FMN1: variants seen among roughly 807,000 people sequenced by gnomAD.
The protein encoded by FMN1 is formin 1.
A neutral mutation model predicts 132.4 loss-of-function variants in FMN1; 110 were observed. The observed-to-expected ratio is 0.83, with a 90% CI of 0.71 to 0.97. The LOEUF (loss-of-function observed/expected upper bound fraction) is 0.97, where lower values mean the gene tolerates loss of function less well. FMN1 is among the 50% of genes least tolerant of loss of function. The probability of loss-of-function intolerance (pLI) is 0.00; values close to 1 mark genes in which losing one functional copy is unlikely to be tolerated. For synonymous variants in FMN1, 722 were observed against 651.7 expected, an observed-to-expected ratio of 1.11 and a Z score of -1.64; for missense variants, 1,792 against 1,705.3, an observed-to-expected ratio of 1.05 and a Z score of -0.90.
At chr15:32,953,017 C>T (rs1372748935) in intron 9 of FMN1, among the ~76,000 whole-genome samples, 1 of 152,228 alleles carries the variant, frequency 6.6e-6, no homozygotes, top group Non-Finnish European at 1.5e-5. Flanking sequence ...TACTGGGGAA[C>T]TCCCAGGCTC....
chr15:33,049,976 C>T (rs1436041684), intron 6 of FMN1, among the ~76,000 whole-genome samples: 2 of 152,132 alleles, frequency 1.3e-5, no homozygotes, highest in South Asian at 2.1e-4. Context: ...GAAGTTTTTT[C>T]TTTTAACACA....
At chr15:32,941,695 C>T (rs1257268998) in intron 9 of FMN1, among the ~76,000 whole-genome samples, 1 of 152,114 alleles carries the variant, frequency 6.6e-6, no homozygotes, top group Admixed American at 6.5e-5. Flanking sequence ...AACTATTTTA[C>T]CTGATGTTTG....
At chr15:32,930,713 C>CT (rs914516281) in intron 9 of FMN1, among the ~76,000 whole-genome samples, 10 of 150,532 alleles carry the variant, frequency 6.6e-5, no homozygotes, top group South Asian at 4.2e-4. Context: ...GTTATTTTTG[C>CT]TTTTTTTGGG....
chr15:32,874,840 T>C (rs1264600706), intron 16 of FMN1, among the ~76,000 whole-genome samples: 2 of 103,656 alleles, frequency 1.9e-5, no homozygotes, highest in East Asian at 2.5e-4. Flanking sequence ...TCGTATTCTG[T>C]AGTTTTTTCT....
At position 32,998,625 on chromosome 15, in the gene FMN1, G is replaced by A. The variant is rs556725589; in HGVS notation, c.2223+9389C>T. Among the ~76,000 whole-genome samples the A allele has an allele frequency of 3.0e-4, 46 of 152,286 alleles. 1 individual carries two copies. In the South Asian group the frequency reaches 9.3e-3, roughly 31 times the overall value. ...TCTACCATGCTTTCTCCCATTTCAT[G>A]AAGAGTCAAAAGCAATGGCCAACAC... On this transcript the variant is annotated intron_variant, in intron 7 of 20. Transcript: ENST00000616417.
chr15:33,066,753 C>T, intron 5 of FMN1: 1 of 1,613,982 alleles, frequency 6.2e-7, no homozygotes, highest in Admixed American at 1.7e-5. Flanking sequence ...CTCTGGCTCT[C>T]TTGGTCAGCA....
At chr15:32,926,124 G>GT in intron 10 of FMN1, 50 bp downstream of exon 10, 1 of 1,011,688 alleles carries the variant, frequency 9.9e-7, no homozygotes, top group Non-Finnish European at 1.5e-6. Flanking sequence ...AGAATGAAAT[G>GT]TTTTTTAAAA....
intron 4 of FMN1, among the ~76,000 whole-genome samples, chr15:33,117,289 A>C (rs556297154): frequency 1.3e-5 from 2 of 152,340 alleles, no homozygotes; most frequent in African/African-American, 2.4e-5. Flanking sequence ...AAGTATTTGT[A>C]ATGTCCTGCC....
chr15:33,037,624 A>G (rs779304007), intron 6 of FMN1, among the ~76,000 whole-genome samples: 4 of 152,184 alleles, frequency 2.6e-5, no homozygotes, highest in Non-Finnish European at 4.4e-5. Context: ...CAGCATTGAC[A>G]CTTTTGTAGA....
rs552983323 is a variant in FMN1 at position 32,880,397 on chromosome 15, A to C, written c.3835+7775T>G. The stretch of plus-strand genomic sequence containing the variant: ...TCTTGTCCAAACGTTCAGATATATT[A>C]GATGTATTAATTGTGTATTCCTTAA... On this transcript the variant is annotated intron_variant, in intron 16 of 20. Coordinates refer to ENST00000616417, the MANE Select transcript of FMN1 (RefSeq NM_001277313.2). Among the ~76,000 whole-genome samples the C allele has an allele frequency of 1.1e-4, 17 of 152,262 alleles. No homozygotes were observed. In the East Asian group the frequency reaches 2.7e-3, roughly 24 times the overall value.
At chr15:32,888,696 A>C (rs1225234110) in intron 15 of FMN1, among the ~76,000 whole-genome samples, 1 of 152,166 alleles carries the variant, frequency 6.6e-6, no homozygotes, top group African/African-American at 2.4e-5. Context: ...GGGGCATACC[A>C]ATGGGTGTGA....
chr15:32,858,850 G>A (rs1447049080), intron 16 of FMN1, among the ~76,000 whole-genome samples: 1 of 152,056 alleles, frequency 6.6e-6, no homozygotes, highest in Non-Finnish European at 1.5e-5. Flanking sequence ...CTGCTATTAT[G>A]AGATTACCCT....
chr15:32,887,613 A>G (rs760581292), intron 16 of FMN1, among the ~76,000 whole-genome samples: 4 of 152,238 alleles, frequency 2.6e-5, no homozygotes, highest in African/African-American at 7.2e-5. Flanking sequence ...ACATGTGTGT[A>G]TGTGTACGAT....
intron 1 of FMN1, 53 bp from the exon 2 acceptor site, chr15:33,194,113 CAT>C (rs1966179135): frequency 6.9e-6 from 1 of 145,940 alleles, no homozygotes. Context: ...CATTGCCAAC[CAT>C]AGTCATGAAG....
At position 32,798,858 on chromosome 15, in the gene FMN1, C is replaced by A. The variant is rs761808443; in HGVS notation, c.4076G>T (p.Cys1359Phe). 6.2e-7 allele frequency: 1 copy of A among 1,613,746 alleles called. No individual in the cohort carries two copies. ...SYVFMVWYEF[C>F]SDFKTIWKRE... Reference sequence around the variant, plus strand: ...TTTCCAAATTGTCTTGAAGTCACTGCAGAACTCATACCACACCATAAACAC... The same window carrying A: ...TTTCCAAATTGTCTTGAAGTCACTGAAGAACTCATACCACACCATAAACAC... Residue 1359 changes from cysteine to phenylalanine, a missense_variant, in exon 19 of 21, where the codon TGC (cysteine) becomes TTC (phenylalanine). By Grantham distance (205) the Cys-to-Phe change is radical. This residue lies in a region of FMN1 where 1,150 missense variants were observed against 1,043.1 expected (regional missense o/e 1.10). Transcript: ENST00000616417.
rs1302441043 is a variant in FMN1, at chr15:32,969,318, AG to A, written c.2382del (p.Cys795AlafsTer34). 1 of 1,613,982 alleles carries A rather than the reference AG, an allele frequency of 6.2e-7. No individual in the cohort carries two copies. Among genetic ancestry groups the A allele is most frequent in the Non-Finnish European group, 8.5e-7 (1 of 1,179,890 alleles). On this transcript the variant is annotated frameshift_variant, in exon 8 of 21. Coordinates refer to ENST00000616417, the MANE Select transcript of FMN1 (RefSeq NM_001277313.2). LOFTEE classifies it high-confidence loss of function. ...ACATTTCTGAAGGTCTTTGGAGGGC[AG>A]TCATCATCGGTGGAAATGCACACAT... ...RKDVCISTDD[D>X]CPPKTFRNVC...
chr15:33,000,345 A>G (rs1422390307), intron 7 of FMN1, among the ~76,000 whole-genome samples: 1 of 149,622 alleles, frequency 6.7e-6, no homozygotes, highest in East Asian at 2.1e-4. Context: ...GCTACTCGGG[A>G]GGCTGAGGCA....
At chr15:32,901,703 CTTCTCCCTCT>C (rs1415143305) in intron 13 of FMN1, among the ~76,000 whole-genome samples, 198 bp downstream of exon 13, 2 of 151,906 alleles carry the variant, frequency 1.3e-5, no homozygotes, top group Non-Finnish European at 2.9e-5. Flanking sequence ...TTTTTCCCTC[CTTCTCCCTCT>C]TCATCCATCT....
intron 5 of FMN1, among the ~76,000 whole-genome samples, chr15:33,087,541 A>C (rs1256563843): frequency 6.6e-6 from 1 of 152,192 alleles, no homozygotes; most frequent in Non-Finnish European, 1.5e-5. Flanking sequence ...GCAAGACTCC[A>C]TCTCAAAAAA....
Sources: gnomAD v4.1 joint callset for allele counts (sites outside exome capture counted in the v4.1 genomes callset) on GRCh38, gnomAD v4.1.1 for gene constraint, gnomAD v4.1.1 regional missense constraint, MANE v1.5 for transcripts, NCBI Gene and HGNC (gene_info 2026-07-23, HGNC 2026-07-21) for gene names.